The following CRB1 variants were observed in gnomAD, a reference collection of about 807,000 sequenced individuals.
The protein encoded by CRB1 is crumbs cell polarity complex component 1.
In CRB1, 83 loss-of-function variants were observed where a neutral mutation model predicts 120.0. That is an observed-to-expected ratio of 0.69 (90% CI 0.58 to 0.83). The LOEUF is 0.83. Among genes scored for constraint, CRB1 ranks in the 40% least tolerant of loss-of-function variants. The pLI, the probability that CRB1 is intolerant of heterozygous loss-of-function variation, is 0.00. For synonymous variants in CRB1, 625 were observed against 612.5 expected, an observed-to-expected ratio of 1.02 and a Z score of -0.30; for missense variants, 1,699 against 1,687.6, an observed-to-expected ratio of 1.01 and a Z score of -0.12.
chr1:197,238,901 A>C, the CRB1 span, among the ~76,000 whole-genome samples: 1 of 152,230 alleles, frequency 6.6e-6, no homozygotes, highest in East Asian at 1.9e-4. Flanking sequence ...ACAAAAGAAC[A>C]AAAACATAGA....
intron 2 of CRB1, 46 bp from the exon 3 acceptor site, chr1:197,344,235 T>G (rs762896415): frequency 3.8e-6 from 6 of 1,583,824 alleles, no homozygotes; most frequent in Non-Finnish European, 5.2e-6. Flanking sequence ...TTATGAACAC[T>G]TTGCTAAAAC....
intron 1 of CRB1, among the ~76,000 whole-genome samples, chr1:197,289,602 C>T (rs561522870): frequency 1.3e-5 from 2 of 151,810 alleles, no homozygotes; most frequent in Admixed American, 6.6e-5. Flanking sequence ...ATGGTCTCTT[C>T]GCCATTCTCT....
chr1:197,306,319 A>G (rs1657174310), intron 1 of CRB1, among the ~76,000 whole-genome samples: 2 of 152,342 alleles, frequency 1.3e-5, no homozygotes, highest in Non-Finnish European at 2.9e-5. Flanking sequence ...AAAACAGTCC[A>G]GCCAATAATA....
rs986813080 is a variant in CRB1 at position 197,368,227 on chromosome 1, A to G, written c.1171+11214A>G. On this transcript the variant is annotated intron_variant, in intron 5 of 11. Coordinates refer to ENST00000367400, the MANE Select transcript of CRB1 (RefSeq NM_201253.3). ...AATGCACTTTTTTTTCTTACTTACAATTTCAAATTTGAGAATATAAATCCT... is the reference window on the plus strand; with the variant it reads ...AATGCACTTTTTTTTCTTACTTACAGTTTCAAATTTGAGAATATAAATCCT... Among the ~76,000 whole-genome samples the G allele has an allele frequency of 2.6e-5, 4 of 152,146 alleles. No homozygotes were observed. The South Asian group carries it at 8.3e-4, about 32-fold the overall frequency.
chr1:197,322,665 A>C (rs1658271846), intron 1 of CRB1, among the ~76,000 whole-genome samples: 1 of 152,098 alleles, frequency 6.6e-6, no homozygotes, highest in Non-Finnish European at 1.5e-5. Context: ...CTTGCTATTT[A>C]AGTGTAGTAT....
the CRB1 span, among the ~76,000 whole-genome samples, chr1:197,252,574 ATATATATATG>A: frequency 7.9e-4 from 33 of 41,818 alleles, no homozygotes; most frequent in African/African-American, 2.3e-3. Context: ...ATATATATAT[ATATATATATG>A]TGTGTGTGTG....
chr1:197,282,749 T>G (rs1255678587), intron 1 of CRB1, among the ~76,000 whole-genome samples: 2 of 151,950 alleles, frequency 1.3e-5, no homozygotes, highest in African/African-American at 4.8e-5. Flanking sequence ...GTAAAACTAT[T>G]ATTTCTCAAT....
At chr1:197,336,475 T>C (rs1659161989) in intron 2 of CRB1, among the ~76,000 whole-genome samples, 1 of 152,182 alleles carries the variant, frequency 6.6e-6, no homozygotes. Context: ...GTTGTTTTTA[T>C]ATGCGCTTAA....
At chr1:197,374,922 C>A (rs2821105) in intron 5 of CRB1, among the ~76,000 whole-genome samples, 9,915 of 152,080 alleles carry the variant, frequency 0.065, 1,138 homozygotes, top group African/African-American at 0.23. Context: ...CTAGAAACAA[C>A]CAAGGCACCA....
At chr1:197,340,404 T>C (rs1179107032) in intron 2 of CRB1, among the ~76,000 whole-genome samples, 1 of 152,194 alleles carries the variant, frequency 6.6e-6, no homozygotes, top group East Asian at 1.9e-4. Context: ...AAGGCAATTA[T>C]GCTTTATTTC....
At chr1:197,276,217 T>C (rs1233036431) in intron 1 of CRB1, among the ~76,000 whole-genome samples, 1 of 151,946 alleles carries the variant, frequency 6.6e-6, no homozygotes, top group African/African-American at 2.4e-5. Context: ...CCCATACTGC[T>C]GTATCCCGTA....
intron 2 of CRB1, among the ~76,000 whole-genome samples, chr1:197,342,430 A>T (rs541874788): frequency 2.0e-5 from 3 of 152,148 alleles, no homozygotes; most frequent in Non-Finnish European, 2.9e-5. Flanking sequence ...TCAACTTTCC[A>T]GTAGTGGAAA....
intron 6 of CRB1, among the ~76,000 whole-genome samples, chr1:197,423,930 G>T (rs1022637669): frequency 1.6e-4 from 25 of 152,150 alleles, no homozygotes; most frequent in Admixed American, 7.2e-4. Flanking sequence ...TGTCCATAAG[G>T]TTCTCTCAGC....
the CRB1 span, among the ~76,000 whole-genome samples, chr1:197,253,397 T>A: frequency 6.6e-6 from 1 of 152,140 alleles, no homozygotes; most frequent in Non-Finnish European, 1.5e-5. Flanking sequence ...ATTCATGGTT[T>A]CATAGCACTT....
At chr1:197,255,996 T>TATATATATATATATAC in the CRB1 span, among the ~76,000 whole-genome samples, 1,620 of 115,966 alleles carry the variant, frequency 0.014, 28 homozygotes, top group South Asian at 0.021. Flanking sequence ...TATATATATA[T>TATATATATATATATAC]ACACTACAAT....
chr1:197,286,315 A>G (rs540778565), intron 1 of CRB1, among the ~76,000 whole-genome samples: 5 of 152,034 alleles, frequency 3.3e-5, no homozygotes, highest in African/African-American at 9.6e-5. Flanking sequence ...TCTGAATCGT[A>G]TAAAACTCCT....
the CRB1 span, among the ~76,000 whole-genome samples, chr1:197,256,254 C>A: frequency 6.6e-6 from 1 of 151,524 alleles, no homozygotes; most frequent in Non-Finnish European, 1.5e-5. Context: ...TTTCTGGATT[C>A]TCCTTCTACT....
At chr1:197,280,840 T>G (rs183776876) in intron 1 of CRB1, among the ~76,000 whole-genome samples, 81 of 152,018 alleles carry the variant, frequency 5.3e-4, no homozygotes, top group African/African-American at 1.8e-3. Context: ...TTTAACTCAA[T>G]ATGCTTTTGT....
intron 2 of CRB1, among the ~76,000 whole-genome samples, chr1:197,341,498 G>A (rs988357063): frequency 1.3e-5 from 2 of 151,804 alleles, no homozygotes; most frequent in African/African-American, 4.8e-5. Flanking sequence ...AGCCAAGAAA[G>A]CACCACTGGT....
Sources: gnomAD v4.1 joint callset for allele counts (sites outside exome capture counted in the v4.1 genomes callset) on GRCh38, gnomAD v4.1.1 for gene constraint, MANE v1.5 for transcripts, NCBI Gene and HGNC (gene_info 2026-07-23, HGNC 2026-07-21) for gene names.